ZBTB20: variants seen among roughly 807,000 people sequenced by gnomAD.
ZBTB20 encodes zinc finger and BTB domain containing 20.
In ZBTB20, 9 loss-of-function variants were observed where a neutral mutation model predicts 56.9. That is an observed-to-expected ratio of 0.16 (90% CI 0.10 to 0.28). ZBTB20 has a LOEUF of 0.28. Among genes scored for constraint, ZBTB20 ranks in the 10% least tolerant of loss-of-function variants. The probability of loss-of-function intolerance (pLI) is 1.00; values close to 1 mark genes in which losing one functional copy is unlikely to be tolerated. For missense variants in ZBTB20, 655 were observed against 1,003.0 expected (o/e 0.65, Z 4.69); for synonymous variants, 417 against 420.7 (o/e 0.99, Z 0.11).
intron 5 of ZBTB20, among the ~76,000 whole-genome samples, chr3:114,704,572 C>T (rs2063597355): frequency 6.6e-6 from 1 of 152,140 alleles, no homozygotes; most frequent in Admixed American, 6.6e-5. Flanking sequence ...ATCTTAACAA[C>T]AGCCCTGTCT....
intron 6 of ZBTB20, among the ~76,000 whole-genome samples, chr3:114,593,384 C>CT (rs201568736): frequency 0.032 from 4,327 of 133,438 alleles, 160 homozygotes; most frequent in African/African-American, 0.079. Flanking sequence ...TTTTTCTTTT[C>CT]TTTTTTTTTT....
At position 115,087,852 on chromosome 3, in the gene ZBTB20, C is replaced by T. The variant is rs577873631; in HGVS notation, c.-702-16438G>A. ...TATTTTCCCTCCTTTTTCCTGCCTC[C>T]TTTGCCTCTGCAGGGAAATAAAATT... On this transcript the variant is annotated intron_variant, in intron 1 of 11. Coordinates refer to ENST00000675478, the MANE Select transcript of ZBTB20 (RefSeq NM_001348800.3). Among the ~76,000 whole-genome samples the T allele has an allele frequency of 1.7e-4, 26 of 152,068 alleles. 1 individual carries two copies. In the East Asian group the frequency reaches 5.0e-3, roughly 29 times the overall value.
chr3:114,531,635 G>A, intron 6 of ZBTB20, among the ~76,000 whole-genome samples: 1 of 152,272 alleles, frequency 6.6e-6, no homozygotes, highest in Admixed American at 6.5e-5. Flanking sequence ...GAGAAGTTTT[G>A]CTTGCTGCTG....
rs191390673 is a variant in ZBTB20 at position 114,812,569 on chromosome 3, A to C, written c.-416-11395T>G. ...ATAGAGTGTCGATTGGTGTACTTAC[A>C]ATCCCTTAGCTAGACATAAAGGCTC... On this transcript the variant is annotated intron_variant, in intron 4 of 11. Coordinates refer to ENST00000675478, the MANE Select transcript of ZBTB20 (RefSeq NM_001348800.3). 3.6e-3 allele frequency among the ~76,000 whole-genome samples: 544 copies of C among 152,348 alleles called. 7 individuals carry two copies. Among genetic ancestry groups the C allele is most frequent in the African/African-American group, 0.013 (532 of 41,580 alleles).
chr3:115,138,836 T>C (rs1284390687), intron 1 of ZBTB20, among the ~76,000 whole-genome samples: 1 of 152,030 alleles, frequency 6.6e-6, no homozygotes, highest in African/African-American at 2.4e-5. Context: ...AAGGATAGAA[T>C]GCATTTACTT....
chr3:115,061,113 T>C (rs1272914340), intron 2 of ZBTB20, among the ~76,000 whole-genome samples: 4 of 152,148 alleles, frequency 2.6e-5, no homozygotes, highest in Non-Finnish European at 4.4e-5. Flanking sequence ...GTTGTTCTGA[T>C]AGACAGCAGT....
At chr3:114,627,419 G>T (rs1490647483) in intron 6 of ZBTB20, among the ~76,000 whole-genome samples, 1 of 152,130 alleles carries the variant, frequency 6.6e-6, no homozygotes, top group Admixed American at 6.6e-5. Flanking sequence ...AGTTTTCCAT[G>T]AGATTATCAG....
chr3:114,868,884 G>A (rs1215537793), intron 4 of ZBTB20, among the ~76,000 whole-genome samples: 2 of 152,090 alleles, frequency 1.3e-5, no homozygotes, highest in Non-Finnish European at 2.9e-5. Flanking sequence ...GGAAAGGAGA[G>A]AAGCTGCAAA....
chr3:114,763,592 T>G (rs975148803), intron 5 of ZBTB20, among the ~76,000 whole-genome samples: 4 of 152,168 alleles, frequency 2.6e-5, no homozygotes, highest in Non-Finnish European at 5.9e-5. Context: ...GCATATATAG[T>G]ACCTCAGTGT....
At chr3:115,037,987 C>T (rs994085223) in intron 2 of ZBTB20, among the ~76,000 whole-genome samples, 1 of 152,192 alleles carries the variant, frequency 6.6e-6, no homozygotes, top group East Asian at 1.9e-4. Flanking sequence ...AAATAATTAA[C>T]TCCATTATCC....
At chr3:114,837,878 G>C (rs1295776263) in intron 4 of ZBTB20, among the ~76,000 whole-genome samples, 1 of 152,048 alleles carries the variant, frequency 6.6e-6, no homozygotes, top group East Asian at 1.9e-4. Context: ...TTAGTGTTCA[G>C]AAAAATTTCG....
chr3:114,348,291 C>A (rs1305858529), intron 11 of ZBTB20, among the ~76,000 whole-genome samples: 1 of 152,166 alleles, frequency 6.6e-6, no homozygotes, highest in African/African-American at 2.4e-5. Context: ...CACCCCTCCC[C>A]CATGTTCCTT....
Position 115,135,833 on chromosome 3 carries a change from A to C in ZBTB20, c.-703+11386T>G, listed in dbSNP as rs542737340. 6.3e-4 allele frequency among the ~76,000 whole-genome samples: 96 copies of C among 152,174 alleles called. 1 individual carries two copies. In the South Asian group the frequency reaches 0.019, roughly 30 times the overall value. ...GTTTAACTGGATAAGACTTCTAAAA[A>C]CTCAGATAATTAGGTAAAATAATTA... On this transcript the variant is annotated intron_variant, in intron 1 of 11. Coordinates refer to ENST00000675478, the MANE Select transcript of ZBTB20 (RefSeq NM_001348800.3).
At chr3:114,976,626 C>CAA (rs759709889) in intron 2 of ZBTB20, among the ~76,000 whole-genome samples, 4 of 105,682 alleles carry the variant, frequency 3.8e-5, no homozygotes, top group Non-Finnish European at 8.1e-5. Context: ...AACTCCGCCT[C>CAA]AAAAAAAAAA....
intron 5 of ZBTB20, among the ~76,000 whole-genome samples, chr3:114,762,516 A>AT (rs1274610490): frequency 6.6e-6 from 1 of 152,176 alleles, no homozygotes; most frequent in Non-Finnish European, 1.5e-5. Context: ...GTATTTCTTT[A>AT]TGGAGGAGCT....
chr3:114,798,809 A>C (rs962709876), intron 5 of ZBTB20, among the ~76,000 whole-genome samples: 2 of 151,940 alleles, frequency 1.3e-5, no homozygotes, highest in African/African-American at 2.4e-5. Flanking sequence ...GAACATGATA[A>C]CAGTAGAATT....
chr3:114,771,412 T>C (rs2069187597), intron 5 of ZBTB20, among the ~76,000 whole-genome samples: 1 of 152,184 alleles, frequency 6.6e-6, no homozygotes, highest in Admixed American at 6.6e-5. Flanking sequence ...CTGTTGTAAT[T>C]AAAGTAAAAA....
chr3:114,894,101 T>C (rs944668114), intron 4 of ZBTB20, among the ~76,000 whole-genome samples: 1 of 73,690 alleles, frequency 1.4e-5, no homozygotes, highest in African/African-American at 4.7e-5. Context: ...TGACTGAGTT[T>C]TTATCAGGTT....
At chr3:114,644,034 GAA>G (rs2059702460) in intron 6 of ZBTB20, among the ~76,000 whole-genome samples, 3 of 151,730 alleles carry the variant, frequency 2.0e-5, no homozygotes, top group African/African-American at 7.3e-5. Flanking sequence ...ATTATAAAAT[GAA>G]CAATAAAAAA....
Sources: gnomAD v4.1 joint callset for allele counts (sites outside exome capture counted in the v4.1 genomes callset) on GRCh38, gnomAD v4.1.1 for gene constraint, MANE v1.5 for transcripts, NCBI Gene and HGNC (gene_info 2026-07-23, HGNC 2026-07-21) for gene names.